DPP6: variants seen among roughly 807,000 people sequenced by gnomAD.
DPP6 encodes the protein dipeptidyl peptidase like 6.
DPP6 carries 69 observed loss-of-function variants against 122.6 expected under a neutral mutation model. The ratio of observed to expected loss-of-function variants is 0.56; its 90% confidence interval spans 0.46 to 0.69. The LOEUF is 0.69. Ranked by LOEUF, DPP6 falls within the 30% of genes least tolerant of loss-of-function variation. The probability of loss-of-function intolerance (pLI) is 0.00; values close to 1 mark genes in which losing one functional copy is unlikely to be tolerated. For missense variants in DPP6, 928 were observed against 1,116.9 expected (o/e 0.83, Z 2.41); for synonymous variants, 418 against 433.1 (o/e 0.97, Z 0.43).
chr7:154,056,198 C>T (rs1800810436), intron 1 of DPP6, among the ~76,000 whole-genome samples: 1 of 152,154 alleles, frequency 6.6e-6, no homozygotes, highest in Non-Finnish European at 1.5e-5. Context: ...TACTAACATG[C>T]AAAGTCTGAC....
intron 1 of DPP6, among the ~76,000 whole-genome samples, chr7:154,384,236 G>A (rs1813884703): frequency 6.6e-6 from 1 of 152,168 alleles, no homozygotes; most frequent in Admixed American, 6.5e-5. Flanking sequence ...GGCATCCCCT[G>A]TCCCTCAGGA....
intron 17 of DPP6, among the ~76,000 whole-genome samples, chr7:154,862,542 C>A (rs1041096363): frequency 6.6e-6 from 1 of 152,246 alleles, no homozygotes; most frequent in Non-Finnish European, 1.5e-5. Flanking sequence ...GCACGCCCTG[C>A]AGGATGTCTG....
chr7:153,917,219 G>A (rs74756768), intron 1 of DPP6, among the ~76,000 whole-genome samples: 1,566 of 152,310 alleles, frequency 0.01, 21 homozygotes, highest in African/African-American at 0.036. Flanking sequence ...GGTTTCCCCA[G>A]AGATGAGCAC....
intron 3 of DPP6, among the ~76,000 whole-genome samples, chr7:154,487,043 A>G (rs966831219): frequency 6.6e-6 from 1 of 152,146 alleles, no homozygotes. Flanking sequence ...TACAACTTCC[A>G]TCTTTGTTGA....
chr7:154,358,995 T>G (rs1811504197), intron 1 of DPP6, among the ~76,000 whole-genome samples: 1 of 152,142 alleles, frequency 6.6e-6, no homozygotes, highest in South Asian at 2.1e-4. Flanking sequence ...CGTGAGACAC[T>G]GCGCCTGGCC....
chr7:154,810,867 C>A (rs1227901820), intron 16 of DPP6, among the ~76,000 whole-genome samples: 1 of 152,182 alleles, frequency 6.6e-6, no homozygotes, highest in African/African-American at 2.4e-5. Flanking sequence ...CCTGCCAATG[C>A]CTGGATCCCT....
chr7:154,872,380 T>C (rs1584946498), intron 18 of DPP6, among the ~76,000 whole-genome samples: 2 of 152,342 alleles, frequency 1.3e-5, no homozygotes, highest in Non-Finnish European at 2.9e-5. Flanking sequence ...TTCAGTGCAC[T>C]CCCATATGCA....
At chr7:154,168,249 C>T (rs1396937902) in intron 1 of DPP6, among the ~76,000 whole-genome samples, 1 of 152,118 alleles carries the variant, frequency 6.6e-6, no homozygotes, top group Non-Finnish European at 1.5e-5. Flanking sequence ...AAGACCTTGC[C>T]TTATTATTTC....
rs1163077821 is a variant in DPP6 at position 154,137,658 on chromosome 7, T to TGGGGG, written c.243+84599_243+84603dup. 2.9e-3 allele frequency among the ~76,000 whole-genome samples: 140 copies of TGGGGG among 48,400 alleles called. 2 individuals carry two copies. The highest frequency in any genetic ancestry group is 0.01 in the South Asian group (7 of 698). The allele number at this position is 48,400 out of a possible 152,430, so 31.8% of individuals were successfully genotyped here. ...GGAGATGGTGGGGGGGGTGGGGGGG[T>TGGGGG]GGGGGGGGTGGGGCGAGCTAATTAT... On this transcript the variant is annotated intron_variant, in intron 1 of 25. Coordinates refer to ENST00000377770, the MANE Select transcript of DPP6 (RefSeq NM_130797.4).
intron 5 of DPP6, among the ~76,000 whole-genome samples, chr7:154,612,253 A>G (rs1255978359): frequency 6.6e-6 from 1 of 152,198 alleles, no homozygotes; most frequent in Non-Finnish European, 1.5e-5. Context: ...AGACACCACC[A>G]TAGTCAAGAT....
intron 1 of DPP6, among the ~76,000 whole-genome samples, chr7:154,173,388 G>T (rs929218590): frequency 1.3e-5 from 2 of 152,130 alleles, no homozygotes; most frequent in African/African-American, 4.8e-5. Context: ...GTAAGCCCTG[G>T]CTCCTCCCTC....
At chr7:153,985,538 C>CT (rs1191859862) in intron 1 of DPP6, among the ~76,000 whole-genome samples, 9 of 152,150 alleles carry the variant, frequency 5.9e-5, no homozygotes, top group Non-Finnish European at 1.3e-4. Flanking sequence ...AAATGATCTA[C>CT]TTTTTTATCT....
At chr7:153,960,220 T>G (rs967807095) in intron 1 of DPP6, among the ~76,000 whole-genome samples, 1 of 152,190 alleles carries the variant, frequency 6.6e-6, no homozygotes, top group Non-Finnish European at 1.5e-5. Flanking sequence ...CCCCACTGAT[T>G]GACTCTTACT....
At chr7:154,796,746 G>T (rs757442150) in intron 12 of DPP6, among the ~76,000 whole-genome samples, 2 of 152,136 alleles carry the variant, frequency 1.3e-5, no homozygotes, top group Non-Finnish European at 2.9e-5. Context: ...CAAAACTATC[G>T]CCATGGCTCT....
intron 8 of DPP6, among the ~76,000 whole-genome samples, chr7:154,745,997 G>T (rs73498050): frequency 0.012 from 1,845 of 152,250 alleles, 38 homozygotes; most frequent in African/African-American, 0.041. Context: ...ATATAGCATT[G>T]GCATCAAAGC....
rs142587462 is a variant in DPP6, at chr7:154,877,795, C to T, written c.2078+1695C>T. On this transcript the variant is annotated intron_variant, in intron 20 of 25. Coordinates refer to ENST00000377770, the MANE Select transcript of DPP6 (RefSeq NM_130797.4). This position sits in a 1 kb window ranked among gnomAD's most constrained non-coding sequence, Gnocchi z 5.2. ...GTGAGACAGGTGCAGGCAGCCCCCC[C>T]AGAGACCAAGTGGGTCCGTCTGACA... Among the ~76,000 whole-genome samples the T allele has an allele frequency of 2.0e-5, 3 of 152,228 alleles. No individual in the cohort carries two copies. The highest frequency in any genetic ancestry group is 2.9e-5 in the Non-Finnish European group (2 of 68,036).
chr7:154,889,372 T>C (rs1429170234), intron 24 of DPP6, 28 bp downstream of exon 24: 1 of 1,611,182 alleles, frequency 6.2e-7, no homozygotes. Flanking sequence ...GAATTCACTG[T>C]GTATCTAGTA....
At chr7:154,297,064 T>TTTTA in intron 1 of DPP6, among the ~76,000 whole-genome samples, 1 of 43,462 alleles carries the variant, frequency 2.3e-5, no homozygotes. Context: ...ATGTATTCTG[T>TTTTA]TTTTTTTTTT....
intron 1 of DPP6, among the ~76,000 whole-genome samples, chr7:154,256,996 TTC>T (rs1397011254): frequency 4.0e-5 from 5 of 124,196 alleles, no homozygotes; most frequent in African/African-American, 1.4e-4. Flanking sequence ...TTTCTTCTTC[TTC>T]TTTTTTTTTT....
Sources: gnomAD v4.1 joint callset for allele counts (sites outside exome capture counted in the v4.1 genomes callset) on GRCh38, gnomAD v4.1.1 for gene constraint, Gnocchi (gnomAD v3.1) non-coding constraint, MANE v1.5 for transcripts, NCBI Gene and HGNC (gene_info 2026-07-23, HGNC 2026-07-21) for gene names.